The following NTRK2 variants were observed in gnomAD, a reference collection of about 807,000 sequenced individuals.
NTRK2 encodes the protein BDNF/NT-3 growth factors receptor.
In NTRK2, 13 loss-of-function variants were observed where a neutral mutation model predicts 94.5. The ratio of observed to expected loss-of-function variants is 0.14; its 90% CI spans 0.09 to 0.22. The LOEUF is 0.22. Ranked by LOEUF, NTRK2 falls within the 10% of genes least tolerant of loss-of-function variation. The pLI, the probability that NTRK2 is intolerant of heterozygous loss-of-function variation, is 1.00. For synonymous variants in NTRK2, 372 were observed against 407.4 expected (o/e 0.91, Z 1.05); for missense variants, 639 against 1,071.2 (o/e 0.60, Z 5.63).
At chr9:84,829,857 C>G (rs1350127410) in intron 12 of NTRK2, among the ~76,000 whole-genome samples, 2 of 152,186 alleles carry the variant, frequency 1.3e-5, no homozygotes, top group African/African-American at 4.8e-5. Context: ...TGCCTTTCCA[C>G]AAGGGATAGC....
intron 12 of NTRK2, among the ~76,000 whole-genome samples, chr9:84,794,490 T>G (rs2069070053): frequency 6.6e-6 from 1 of 152,146 alleles, no homozygotes; most frequent in South Asian, 2.1e-4. Context: ...TATAGCTGAG[T>G]TTTTATTGGC....
intron 2 of NTRK2, among the ~76,000 whole-genome samples, chr9:84,700,687 G>C (rs768983175): frequency 6.6e-6 from 1 of 152,160 alleles, no homozygotes; most frequent in African/African-American, 2.4e-5. Flanking sequence ...CTTTCACACA[G>C]TGGGGGACCT....
At chr9:84,962,379 T>C (rs1243214263) in intron 17 of NTRK2, among the ~76,000 whole-genome samples, 1 of 152,248 alleles carries the variant, frequency 6.6e-6, no homozygotes, top group African/African-American at 2.4e-5. Context: ...ACAAAGGCTA[T>C]AGAAACTTTT....
intron 12 of NTRK2, among the ~76,000 whole-genome samples, chr9:84,827,553 C>T (rs964441426): frequency 7.9e-5 from 12 of 152,194 alleles, no homozygotes; most frequent in African/African-American, 2.4e-4. Context: ...AAACAATGTA[C>T]ATTTTTAAAG....
intron 12 of NTRK2, chr9:84,811,539 A>G (rs1200378901): frequency 9.4e-7 from 1 of 1,065,360 alleles, no homozygotes; most frequent in Non-Finnish European, 1.1e-6. Context: ...TTTGCATTAC[A>G]GAACTGCAGC....
chr9:84,953,492 A>G (rs1393913227), intron 16 of NTRK2, among the ~76,000 whole-genome samples: 2 of 152,222 alleles, frequency 1.3e-5, no homozygotes, highest in Admixed American at 1.3e-4. Context: ...GACAGGATCC[A>G]AATTCATTTC....
intron 14 of NTRK2, among the ~76,000 whole-genome samples, chr9:84,870,911 G>A (rs867532919): frequency 6.6e-6 from 1 of 152,130 alleles, no homozygotes; most frequent in Non-Finnish European, 1.5e-5. Context: ...ATGGTCTTAC[G>A]AAGATCGCTG....
At chr9:84,858,788 T>C (rs1321389896) in intron 12 of NTRK2, among the ~76,000 whole-genome samples, 1 of 152,190 alleles carries the variant, frequency 6.6e-6, no homozygotes, top group African/African-American at 2.4e-5. Flanking sequence ...TTTTTCTATA[T>C]TTAAAATTGA....
chr9:84,672,595 T>C (rs1247349206), intron 2 of NTRK2, among the ~76,000 whole-genome samples: 1 of 152,182 alleles, frequency 6.6e-6, no homozygotes, highest in Non-Finnish European at 1.5e-5. Flanking sequence ...TTGTTGTGTG[T>C]GTGTGGTGGT....
chr9:84,804,550 G>T (rs146442652), intron 12 of NTRK2, among the ~76,000 whole-genome samples: 200 of 152,262 alleles, frequency 1.3e-3, no homozygotes, highest in African/African-American at 4.2e-3. Context: ...AGGTTGAATT[G>T]GGTAATGGAT....
intron 12 of NTRK2, among the ~76,000 whole-genome samples, chr9:84,756,067 G>A (rs558847138): frequency 3.3e-5 from 5 of 152,194 alleles, no homozygotes; most frequent in African/African-American, 7.2e-5. Flanking sequence ...TCATACATAT[G>A]TTTAATATGT....
chr9:84,690,718 C>CAA, intron 2 of NTRK2, among the ~76,000 whole-genome samples: 1 of 130,264 alleles, frequency 7.7e-6, no homozygotes, highest in East Asian at 2.2e-4. Context: ...GACTCCATCT[C>CAA]AAAAAAAAAA....
intron 17 of NTRK2, among the ~76,000 whole-genome samples, chr9:85,011,111 G>A (rs142157701): frequency 9.0e-4 from 137 of 152,248 alleles, no homozygotes; most frequent in African/African-American, 3.2e-3. Context: ...CATTGGAAAT[G>A]GACCAGGGCT....
intron 14 of NTRK2, among the ~76,000 whole-genome samples, chr9:84,932,452 A>G (rs1382145517): frequency 6.6e-6 from 1 of 152,138 alleles, no homozygotes; most frequent in Non-Finnish European, 1.5e-5. Context: ...GTGATATTCT[A>G]TTTCTTAAAT....
chr9:84,961,188 A>G (rs1824881423), intron 17 of NTRK2, among the ~76,000 whole-genome samples: 1 of 152,236 alleles, frequency 6.6e-6, no homozygotes, highest in Non-Finnish European at 1.5e-5. Flanking sequence ...TTCAATTTAC[A>G]GGGCAAATCA....
At chr9:84,804,914 G>A (rs892590362) in intron 12 of NTRK2, among the ~76,000 whole-genome samples, 4 of 152,192 alleles carry the variant, frequency 2.6e-5, no homozygotes, top group African/African-American at 9.7e-5. Context: ...TCTCCATGTG[G>A]TAGTAGTAAA....
At chr9:84,986,987 C>T (rs1828394744) in intron 17 of NTRK2, among the ~76,000 whole-genome samples, 1 of 152,192 alleles carries the variant, frequency 6.6e-6, no homozygotes, top group African/African-American at 2.4e-5. Context: ...ATGTGAAGTC[C>T]ATTAGCCGGG....
chr9:84,738,413 C>G (rs1211483356), intron 9 of NTRK2, among the ~76,000 whole-genome samples: 1 of 152,100 alleles, frequency 6.6e-6, no homozygotes, highest in Non-Finnish European at 1.5e-5. Flanking sequence ...CAGTGTGCAA[C>G]AGTATGTAAT....
chr9:84,734,984 T>A (rs2063150163), intron 9 of NTRK2, among the ~76,000 whole-genome samples: 1 of 152,108 alleles, frequency 6.6e-6, no homozygotes, highest in South Asian at 2.1e-4. Context: ...AGCCTAGAAA[T>A]GTGCTGTTGG....
Sources: gnomAD v4.1 joint callset for allele counts (sites outside exome capture counted in the v4.1 genomes callset) on GRCh38, gnomAD v4.1.1 for gene constraint, MANE v1.5 for transcripts, NCBI Gene and HGNC (gene_info 2026-07-23, HGNC 2026-07-21) for gene names.